GLRA3: variants seen among roughly 807,000 people sequenced by gnomAD.
GLRA3 encodes the protein glycine receptor alpha 3.
Under a neutral mutation model 60.4 loss-of-function variants are expected in GLRA3, and 44 were observed. That is an observed-to-expected ratio of 0.73 (90% CI 0.57 to 0.94). The LOEUF (loss-of-function observed/expected upper bound fraction) is 0.94, where lower values mean the gene tolerates loss of function less well. Ranked by LOEUF, GLRA3 falls within the 40% of genes least tolerant of loss-of-function variation. The probability of loss-of-function intolerance (pLI) is 0.00; values close to 1 mark genes in which losing one functional copy is unlikely to be tolerated. For missense variants in GLRA3, 508 were observed against 564.6 expected (o/e 0.90, Z 1.02); for synonymous variants, 223 against 192.9 (o/e 1.16, Z -1.29).
chr4:174,828,978 T>C lies in GLRA3; in HGVS notation c.-167A>G. On this transcript the variant is annotated 5_prime_UTR_variant, in exon 1 of 10. Coordinates refer to ENST00000274093, the MANE Select transcript of GLRA3 (RefSeq NM_006529.4). The stretch of plus-strand genomic sequence containing the variant: ...CTCCCCGCAGTATGCGGACCCCTTC[T>C]CAGCATTGAGCAGAAGTGGAGAGTC... The C allele has an allele frequency of 1.6e-6, 1 of 610,142 alleles. No individual in the cohort carries two copies. The highest frequency in any genetic ancestry group is 3.0e-6 in the Non-Finnish European group (1 of 337,136). The allele number at this position is 610,142 out of a possible 1,614,324, so 37.8% of individuals were successfully genotyped here. A position where few individuals can be genotyped will look rare whatever the true frequency, so the allele number is the denominator to read the frequency against.
At chr4:174,651,846 T>C (rs1733030836) in intron 9 of GLRA3, among the ~76,000 whole-genome samples, 2 of 152,116 alleles carry the variant, frequency 1.3e-5, no homozygotes, top group African/African-American at 4.8e-5. Context: ...GCAGATCATT[T>C]TGAATGTGCC....
chr4:174,643,970 T>C lies in GLRA3; in HGVS notation c.1211A>G (p.Asn404Ser), dbSNP rs150967429. Reference sequence around the variant, plus strand: ...TTTTGGCATTACCTGGACAGGGTGGTTGGGGCCCTTTGGAGTCATGCCATC... The same window carrying C: ...TTTTGGCATTACCTGGACAGGGTGGCTGGGGCCCTTTGGAGTCATGCCATC... ...AKDGMTPKGPNHPVQVMPKSP... is the reference protein window; with the variant it reads ...AKDGMTPKGPSHPVQVMPKSP... Residue 404 changes from asparagine (N) to serine (S), a missense_variant, in exon 10 of 10, where the codon AAC (asparagine) becomes AGC (serine). Coordinates refer to ENST00000274093, the MANE Select transcript of GLRA3 (RefSeq NM_006529.4). 352 of 1,613,788 alleles carry C rather than the reference T, an allele frequency of 2.2e-4. 1 individual carries two copies. The highest frequency in any genetic ancestry group is 2.8e-4 in the Non-Finnish European group (332 of 1,179,848).
chr4:174,643,612 A>G lies in GLRA3; in HGVS notation c.*174T>C. 1 of 1,346,390 alleles carries G rather than the reference A, an allele frequency of 7.4e-7. No individual in the cohort carries two copies. 83.4% of individuals were successfully genotyped at this position (1,346,390 alleles called of 1,614,324 possible). ...TAAATATTTTATATTCATTAAAAGA[A>G]TCTCATCTTTCTCATGACTTTGCAT... On this transcript the variant is annotated 3_prime_UTR_variant, in exon 10 of 10. Coordinates refer to ENST00000274093, the MANE Select transcript of GLRA3 (RefSeq NM_006529.4).
chr4:174,792,052 C>T lies in GLRA3; in HGVS notation c.72-3109G>A, dbSNP rs79115890. ...CTGTGTCATGGGGTCATACCTTCAACACTATGTCAGGCAGTTGATTACTCT... is the reference window on the plus strand; with the variant it reads ...CTGTGTCATGGGGTCATACCTTCAATACTATGTCAGGCAGTTGATTACTCT... On this transcript the variant is annotated intron_variant, in intron 1 of 9. Coordinates refer to ENST00000274093, the MANE Select transcript of GLRA3 (RefSeq NM_006529.4). 2.7e-3 allele frequency among the ~76,000 whole-genome samples: 408 copies of T among 152,296 alleles called. 3 individuals carry two copies. The highest frequency in any genetic ancestry group is 9.6e-3 in the African/African-American group (399 of 41,562).
At chr4:174,768,147 G>T (rs1486708461) in intron 2 of GLRA3, among the ~76,000 whole-genome samples, 1 of 152,036 alleles carries the variant, frequency 6.6e-6, no homozygotes, top group African/African-American at 2.4e-5. Flanking sequence ...GACCTTCTGA[G>T]GAATTCCAAA....
chr4:174,735,768 G>A (rs1262470243), intron 3 of GLRA3, among the ~76,000 whole-genome samples: 1 of 152,008 alleles, frequency 6.6e-6, no homozygotes, highest in African/African-American at 2.4e-5. Flanking sequence ...CGTCATGTTC[G>A]CCAGGCTGGT....
intron 6 of GLRA3, among the ~76,000 whole-genome samples, chr4:174,678,965 A>T (rs974055754): frequency 4.6e-5 from 7 of 152,204 alleles, no homozygotes; most frequent in African/African-American, 1.7e-4. Flanking sequence ...ATTTCAGGTG[A>T]TTCTCAAGGA....
In GLRA3 at chr4:174,770,501, T is replaced by C. The variant is rs77676371; in HGVS notation, c.200-3471A>G. On this transcript the variant is annotated intron_variant, in intron 2 of 9. Coordinates refer to ENST00000274093, the MANE Select transcript of GLRA3 (RefSeq NM_006529.4). ...GGGAGCATTGAAAATTCCAGGCTATTAATTTCATTAAAAGCGTTGCCTATT... is the reference window on the plus strand; with the variant it reads ...GGGAGCATTGAAAATTCCAGGCTATCAATTTCATTAAAAGCGTTGCCTATT... Among the ~76,000 whole-genome samples, 43 of 152,210 alleles carry C rather than the reference T, an allele frequency of 2.8e-4. No individual in the cohort carries two copies. In the East Asian group the frequency reaches 5.2e-3, roughly 18 times the overall value.
chr4:174,688,191 T>C (rs1734622374), intron 5 of GLRA3, among the ~76,000 whole-genome samples: 1 of 151,350 alleles, frequency 6.6e-6, no homozygotes, highest in South Asian at 2.1e-4. Flanking sequence ...AATATTTGCT[T>C]GTATTTCATA....
chr4:174,778,566 G>A (rs368423933), intron 2 of GLRA3, among the ~76,000 whole-genome samples: 50 of 152,252 alleles, frequency 3.3e-4, no homozygotes, highest in Admixed American at 1.8e-3. Context: ...CTGAGGTACC[G>A]GGTTCATCTC....
At chr4:174,683,046 T>C in intron 5 of GLRA3, 107 bp from the exon 6 acceptor site, 1 of 805,936 alleles carries the variant, frequency 1.2e-6, no homozygotes, top group East Asian at 2.5e-5. Flanking sequence ...AACAGTGTCA[T>C]CTTATAGTAA....
chr4:174,775,843 A>C (rs6553823), intron 2 of GLRA3, among the ~76,000 whole-genome samples: 111,211 of 151,770 alleles, frequency 0.73, 41,041 homozygotes, highest in East Asian at 0.99. Flanking sequence ...ATGACATTAC[A>C]TAATAAAATT....
intron 9 of GLRA3, 76 bp from the exon 10 acceptor site, chr4:174,644,140 CA>C: frequency 1.3e-6 from 1 of 775,294 alleles, no homozygotes; most frequent in Non-Finnish European, 2.2e-6. Flanking sequence ...GAATCATAAC[CA>C]ATTTTATCAT....
At position 174,807,063 on chromosome 4, in the gene GLRA3, A is replaced by G. The variant is rs114556114; in HGVS notation, c.72-18120T>C. Among the ~76,000 whole-genome samples, 866 of 152,170 alleles carry G rather than the reference A, an allele frequency of 5.7e-3. 7 individuals carry two copies. The highest frequency in any genetic ancestry group is 0.019 in the African/African-American group (803 of 41,550). ...TAGCCAGTATGATGAAATAGAAAAG[A>G]CAGTCTATCTTGAATAGGATGCTTG... On this transcript the variant is annotated intron_variant, in intron 1 of 9. Coordinates refer to ENST00000274093, the MANE Select transcript of GLRA3 (RefSeq NM_006529.4).
At chr4:174,660,135 A>G (rs1733380405) in intron 7 of GLRA3, among the ~76,000 whole-genome samples, 1 of 152,110 alleles carries the variant, frequency 6.6e-6, no homozygotes, top group Non-Finnish European at 1.5e-5. Flanking sequence ...TACACTCAAC[A>G]AAATCAAAAA....
At chr4:174,804,699 G>T (rs551609150) in intron 1 of GLRA3, among the ~76,000 whole-genome samples, 5 of 152,106 alleles carry the variant, frequency 3.3e-5, no homozygotes, top group Non-Finnish European at 7.4e-5. Context: ...TTTAATAGGC[G>T]AAAGCAAGAG....
intron 1 of GLRA3, among the ~76,000 whole-genome samples, chr4:174,820,336 G>T (rs1578940111): frequency 6.6e-6 from 1 of 152,292 alleles, no homozygotes; most frequent in South Asian, 2.1e-4. Context: ...GTTATGCCTG[G>T]AGTTATTTAT....
intron 1 of GLRA3, among the ~76,000 whole-genome samples, chr4:174,825,853 G>T (rs1740944597): frequency 6.6e-6 from 1 of 151,988 alleles, no homozygotes; most frequent in African/African-American, 2.4e-5. Flanking sequence ...AAGCACTAAA[G>T]TTTCATCTGT....
intron 5 of GLRA3, among the ~76,000 whole-genome samples, chr4:174,698,776 C>T (rs2111039376): frequency 6.6e-6 from 1 of 152,078 alleles, no homozygotes; most frequent in Middle Eastern, 3.4e-3. Flanking sequence ...TAAAAAATGT[C>T]TATTATTGCA....
Sources: allele counts gnomAD v4.1 joint callset (sites outside exome capture counted in the v4.1 genomes callset), GRCh38; gene constraint gnomAD v4.1.1; transcripts MANE v1.5; gene names NCBI Gene and HGNC (gene_info 2026-07-23, HGNC 2026-07-21).